Variants in ZFPM2 observed in about 807,000 individuals in gnomAD.
ZFPM2 encodes zinc finger protein, FOG family member 2, also known as zinc finger protein ZFPM2.
In ZFPM2, 20 loss-of-function variants were observed where a neutral mutation model predicts 98.6. That is an observed-to-expected ratio of 0.20 (90% confidence interval 0.14 to 0.29). The LOEUF is 0.29. Ranked by LOEUF, ZFPM2 falls within the 10% of genes least tolerant of loss-of-function variation. The pLI is 1.00. For missense variants in ZFPM2, 1,310 were observed against 1,388.6 expected (o/e 0.94, Z 0.90); for synonymous variants, 518 against 502.7 (o/e 1.03, Z -0.41).
intron 5 of ZFPM2, among the ~76,000 whole-genome samples, chr8:105,710,045 T>A (rs1462560875): frequency 6.6e-6 from 1 of 152,128 alleles, no homozygotes; most frequent in South Asian, 2.1e-4. Flanking sequence ...ATTACATAGT[T>A]TCATCATAAG....
chr8:105,494,766 T>C (rs1813427176), intron 3 of ZFPM2, among the ~76,000 whole-genome samples: 1 of 152,160 alleles, frequency 6.6e-6, no homozygotes, highest in Non-Finnish European at 1.5e-5. Context: ...ATGTACAGAA[T>C]TCTGATGGCT....
At chr8:105,439,230 T>C (rs1455120647) in intron 2 of ZFPM2, among the ~76,000 whole-genome samples, 1 of 152,168 alleles carries the variant, frequency 6.6e-6, no homozygotes, top group Non-Finnish European at 1.5e-5. Context: ...TTAGATTTTA[T>C]TCTCTGTTAT....
chr8:105,330,562 A>G (rs1812198198), intron 1 of ZFPM2, among the ~76,000 whole-genome samples: 1 of 76,658 alleles, frequency 1.3e-5, no homozygotes, highest in South Asian at 3.7e-4. Flanking sequence ...ACATATATAT[A>G]TATATACATA....
intron 5 of ZFPM2, among the ~76,000 whole-genome samples, chr8:105,688,140 G>A (rs1408914977): frequency 1.3e-5 from 2 of 151,946 alleles, no homozygotes; most frequent in Admixed American, 6.6e-5. Context: ...CTAAAATAAT[G>A]AAAATTATAG....
chr8:105,796,104 T>C lies in ZFPM2; in HGVS notation c.740-2620T>C, dbSNP rs1813802060. On this transcript the variant is annotated intron_variant, in intron 6 of 7. Transcript: ENST00000407775. ...ATTACTGTGCATTCAATCAATGATA[T>C]AGTACTTCCCATCTAAGCTAGTATT... is the stretch of plus-strand genomic sequence containing the variant. Among the ~76,000 whole-genome samples the C allele has an allele frequency of 7.9e-5, 12 of 152,380 alleles. No individual in the cohort carries two copies. In the South Asian group the frequency reaches 2.5e-3, roughly 32 times the overall value.
intron 3 of ZFPM2, among the ~76,000 whole-genome samples, chr8:105,475,101 G>A (rs1164001523): frequency 6.6e-6 from 1 of 152,192 alleles, no homozygotes; most frequent in Non-Finnish European, 1.5e-5. Flanking sequence ...AATAAAGAGA[G>A]TTTACAGTTG....
At chr8:105,678,821 G>A (rs549113031) in intron 5 of ZFPM2, 1 of 152,264 alleles carries the variant, frequency 6.6e-6, no homozygotes, top group African/African-American at 2.4e-5. Context: ...AGTATGCTAT[G>A]TCATTGGCTC....
At chr8:105,506,500 C>A (rs529375543) in intron 3 of ZFPM2, among the ~76,000 whole-genome samples, 1 of 152,088 alleles carries the variant, frequency 6.6e-6, no homozygotes, top group Non-Finnish European at 1.5e-5. Flanking sequence ...AGCTAACCAA[C>A]CTTGCTCAAA....
chr8:105,533,626 T>G (rs1039332141), intron 3 of ZFPM2, among the ~76,000 whole-genome samples: 4 of 151,788 alleles, frequency 2.6e-5, no homozygotes, highest in African/African-American at 9.7e-5. Flanking sequence ...CAAGTATTAC[T>G]CCTTAGGCCC....
At chr8:105,519,468 G>T (rs192289555) in intron 3 of ZFPM2, among the ~76,000 whole-genome samples, 1 of 152,092 alleles carries the variant, frequency 6.6e-6, no homozygotes, top group African/African-American at 2.4e-5. Flanking sequence ...AAAAAATTGA[G>T]ATAATCCTAC....
intron 3 of ZFPM2, among the ~76,000 whole-genome samples, chr8:105,490,718 A>G (rs1455966821): frequency 6.6e-6 from 1 of 152,204 alleles, no homozygotes; most frequent in African/African-American, 2.4e-5. Context: ...AATTGTAAGT[A>G]GGAAGTATAG....
rs535970380 is a variant in ZFPM2, at chr8:105,325,678, G to T, written c.40+6697G>T. On this transcript the variant is annotated intron_variant, in intron 1 of 7. Transcript: ENST00000407775. ...GAACATTGATTTAGTTTTTGTTTGC[G>T]AATAGAGGCTGAATTCCAATCACAA... 2.0e-5 allele frequency among the ~76,000 whole-genome samples: 3 copies of T among 151,642 alleles called. No homozygotes were observed. In the East Asian group the frequency reaches 5.8e-4, roughly 29 times the overall value.
intron 4 of ZFPM2, among the ~76,000 whole-genome samples, chr8:105,595,373 T>C (rs1815946298): frequency 6.6e-6 from 1 of 152,056 alleles, no homozygotes; most frequent in African/African-American, 2.4e-5. Context: ...GAAAGAGCTA[T>C]TATCCAAAAG....
intron 2 of ZFPM2, among the ~76,000 whole-genome samples, chr8:105,431,374 G>A (rs1812017394): frequency 6.6e-6 from 1 of 152,172 alleles, no homozygotes; most frequent in Non-Finnish European, 1.5e-5. Flanking sequence ...ATTAATGAAT[G>A]AAAGCATAAT....
intron 5 of ZFPM2, among the ~76,000 whole-genome samples, chr8:105,759,395 A>G (rs1361436387): frequency 3.9e-5 from 6 of 152,114 alleles, no homozygotes; most frequent in Admixed American, 3.9e-4. Flanking sequence ...TTCCTTTATT[A>G]GGGCAAGATG....
At chr8:105,749,294 C>T (rs1357934742) in intron 5 of ZFPM2, among the ~76,000 whole-genome samples, 1 of 151,992 alleles carries the variant, frequency 6.6e-6, no homozygotes, top group African/African-American at 2.4e-5. Flanking sequence ...TTACTAGTCT[C>T]TAAGGCATTC....
chr8:105,580,931 GTGAAAATTACAA>G (rs1229440931), intron 4 of ZFPM2, among the ~76,000 whole-genome samples: 2 of 151,210 alleles, frequency 1.3e-5, no homozygotes, highest in Admixed American at 1.3e-4. Context: ...TTGTGTCATG[GTGAAAATTACAA>G]TGAAAATTAC....
intron 3 of ZFPM2, among the ~76,000 whole-genome samples, chr8:105,446,897 A>G (rs1280774220): frequency 2.6e-5 from 4 of 152,168 alleles, no homozygotes; most frequent in Non-Finnish European, 2.9e-5. Context: ...AATATTCATT[A>G]ATTTCCTTTA....
chr8:105,473,069 T>A (rs1356761108), intron 3 of ZFPM2, among the ~76,000 whole-genome samples: 3 of 151,986 alleles, frequency 2.0e-5, no homozygotes, highest in African/African-American at 7.2e-5. Context: ...TGATTTTTTA[T>A]TTTTTTATTT....
Sources: gnomAD v4.1 joint callset for allele counts (sites outside exome capture counted in the v4.1 genomes callset) on GRCh38, gnomAD v4.1.1 for gene constraint, MANE v1.5 for transcripts, NCBI Gene and HGNC (gene_info 2026-07-23, HGNC 2026-07-21) for gene names.